UBE2Q2: variants seen among roughly 807,000 people sequenced by gnomAD.
The protein encoded by UBE2Q2 is ubiquitin conjugating enzyme E2 Q2.
In UBE2Q2, 54 loss-of-function variants were observed where a neutral mutation model predicts 59.9. That is an observed-to-expected ratio of 0.90 (90% CI 0.72 to 1.13). The LOEUF (loss-of-function observed/expected upper bound fraction) is 1.13, where lower values mean the gene tolerates loss of function less well. Ranked by LOEUF, UBE2Q2 falls within the 50% of genes most tolerant of loss-of-function variation. The pLI, the probability that UBE2Q2 is intolerant of heterozygous loss-of-function variation, is 0.00. For synonymous variants in UBE2Q2, 165 were observed against 155.2 expected, an observed-to-expected ratio of 1.06 and a Z score of -0.47; for missense variants, 433 against 441.9, an observed-to-expected ratio of 0.98 and a Z score of 0.18.
intron 1 of UBE2Q2, chr15:75,844,575 C>T: frequency 1.4e-6 from 2 of 1,399,098 alleles, no homozygotes; most frequent in South Asian, 1.4e-5. Context: ...CAGGGCTGCT[C>T]CCCGGAAAGA....
intron 9 of UBE2Q2, among the ~76,000 whole-genome samples, chr15:75,885,489 A>C (rs1299037111): frequency 6.6e-6 from 1 of 152,194 alleles, no homozygotes; most frequent in Non-Finnish European, 1.5e-5. Flanking sequence ...AATATCTTTT[A>C]CCAAAGGACT....
At chr15:75,899,279 A>T (rs1309173890) in intron 12 of UBE2Q2, 148 bp from the exon 13 acceptor site, 6 of 226,572 alleles carry the variant, frequency 2.6e-5, no homozygotes, top group East Asian at 1.4e-4. Context: ...TGTCTCAAAA[A>T]ATATATATAT....
At chr15:75,896,936 T>A in intron 11 of UBE2Q2, 59 bp from the exon 12 acceptor site, 1 of 1,135,148 alleles carries the variant, frequency 8.8e-7, no homozygotes, top group Non-Finnish European at 1.3e-6. Flanking sequence ...TTCATAAATT[T>A]ATTGTAATAA....
chr15:75,885,358 C>T (rs1216492895), intron 9 of UBE2Q2, among the ~76,000 whole-genome samples: 2 of 151,962 alleles, frequency 1.3e-5, no homozygotes, highest in Non-Finnish European at 2.9e-5. Flanking sequence ...CCTCGTGATC[C>T]GCCTGCCTCA....
rs950947279 is a variant in UBE2Q2 at position 75,869,970 on chromosome 15, G to C, written c.447+960G>C. ...GATTTAAAAAAAAATTTTTTTTTCTGTTTTGGGTCTTATAATTATGCTTTT... is the reference window on the plus strand; with the variant it reads ...GATTTAAAAAAAAATTTTTTTTTCTCTTTTGGGTCTTATAATTATGCTTTT... On this transcript the variant is annotated intron_variant, in intron 4 of 12. Transcript: ENST00000267938. 3.9e-5 allele frequency among the ~76,000 whole-genome samples: 6 copies of C among 151,960 alleles called. No homozygotes were observed. The East Asian group carries it at 7.7e-4, about 20-fold the overall frequency.
At chr15:75,878,497 G>C (rs1198020235) in intron 7 of UBE2Q2, 1 of 151,972 alleles carries the variant, frequency 6.6e-6, no homozygotes, top group African/African-American at 2.4e-5. Context: ...GTGGTGGGAG[G>C]CTGAGGCAGG....
At chr15:75,852,728 T>TAC in intron 1 of UBE2Q2, among the ~76,000 whole-genome samples, 1 of 152,212 alleles carries the variant, frequency 6.6e-6, no homozygotes, top group East Asian at 1.9e-4. Flanking sequence ...GAAAATGCAG[T>TAC]ACTCAATAAG....
chr15:75,870,774 A>T (rs2141608252), intron 4 of UBE2Q2, among the ~76,000 whole-genome samples: 1 of 152,324 alleles, frequency 6.6e-6, no homozygotes, highest in South Asian at 2.1e-4. Context: ...AAGTCATGAA[A>T]AAACAAGATT....
intron 5 of UBE2Q2, 95 bp downstream of exon 5, chr15:75,873,663 C>G (rs1897917133): frequency 7.3e-7 from 1 of 1,361,294 alleles, no homozygotes; most frequent in African/African-American, 1.5e-5. Flanking sequence ...CTCAGCTGCC[C>G]TCTTCCTCCA....
chr15:75,899,427 G>A lies in UBE2Q2; in HGVS notation c.1097G>A (p.Gly366Asp), dbSNP rs776986667. ...NSIVQIHEKNGWYTPPKEDG is the reference protein window; with the variant it reads ...NSIVQIHEKNDWYTPPKEDG ...CTTTTTTTTTTTCATTCTATTTCAGGCTGGTACACCCCTCCAAAGGAAGAT... is the reference window on the plus strand; with the variant it reads ...CTTTTTTTTTTTCATTCTATTTCAGACTGGTACACCCCTCCAAAGGAAGAT... The change falls in exon 13 of 13, where the codon GGC becomes GAC. Residue 366 changes from glycine to aspartate, a missense_variant and splice_region_variant. Transcript: ENST00000267938. The A allele has an allele frequency of 1.9e-6, 3 of 1,582,382 alleles. No homozygotes were observed. In the South Asian group the frequency reaches 3.5e-5, roughly 19 times the overall value.
At chr15:75,883,504 G>A (rs995301327) in intron 9 of UBE2Q2, 80 bp downstream of exon 9, 34 of 1,031,702 alleles carry the variant, frequency 3.3e-5, no homozygotes, top group Admixed American at 8.0e-5. Flanking sequence ...ATCTCACTAT[G>A]TTGCCCTGGC....
In UBE2Q2 at chr15:75,898,728, A is replaced by G. The variant is rs952593188; in HGVS notation, c.1097-699A>G. Among the ~76,000 whole-genome samples the G allele has an allele frequency of 4.6e-5, 7 of 152,292 alleles. No individual in the cohort carries two copies. In the South Asian group the frequency reaches 1.4e-3, roughly 32 times the overall value. The stretch of plus-strand genomic sequence containing the variant: ...TAACAGTCCAAGTTCCTTGTATTCT[A>G]AATCGCCAGGATTTTGTTTGGGGAA... On this transcript the variant is annotated intron_variant, in intron 12 of 12. Transcript: ENST00000267938.
intron 3 of UBE2Q2, among the ~76,000 whole-genome samples, chr15:75,860,802 A>G (rs1029568642): frequency 5.3e-5 from 8 of 152,112 alleles, no homozygotes; most frequent in Admixed American, 5.2e-4. Flanking sequence ...GGTTTTTCTC[A>G]TCTGCTCTCC....
In UBE2Q2 at chr15:75,843,558, CCA is replaced by C; in HGVS notation, c.-108_-107del. On this transcript the variant is annotated 5_prime_UTR_variant, in exon 1 of 13. Transcript: ENST00000267938. The stretch of plus-strand genomic sequence containing the variant: ...CGAGGCGGAGCCGCGAGAGCGCGGC[CCA>C]GGCCGGCCCCGCGGGGCGGTCGCGG... The C allele has an allele frequency of 1.2e-6, 1 of 861,870 alleles. No individual in the cohort carries two copies. Among genetic ancestry groups the C allele is most frequent in the Non-Finnish European group, 1.6e-6 (1 of 630,318 alleles). The allele number at this position is 861,870 out of a possible 1,614,324, so 53.4% of individuals were successfully genotyped here. A position where few individuals can be genotyped will look rare whatever the true frequency, so the allele number is the denominator to read the frequency against.
chr15:75,889,449 A>G lies in UBE2Q2; in HGVS notation c.885-986A>G, dbSNP rs550650179. 7.2e-5 allele frequency among the ~76,000 whole-genome samples: 11 copies of G among 152,312 alleles called. 1 individual carries two copies. In the South Asian group the frequency reaches 2.3e-3, roughly 32 times the overall value. ...AAAAGTTTTTAGATGCCTTGTCTGC[A>G]AAGTAATTTGGTTAGTTGACACAAA... On this transcript the variant is annotated intron_variant, in intron 9 of 12. Transcript: ENST00000267938.
intron 12 of UBE2Q2, among the ~76,000 whole-genome samples, chr15:75,898,286 G>A (rs1052750295): frequency 1.3e-5 from 2 of 152,082 alleles, no homozygotes; most frequent in African/African-American, 4.8e-5. Flanking sequence ...GAGTGTGTGG[G>A]TATGTGTAAG....
At chr15:75,887,904 T>G (rs1898877417) in intron 9 of UBE2Q2, among the ~76,000 whole-genome samples, 1 of 152,168 alleles carries the variant, frequency 6.6e-6, no homozygotes. Flanking sequence ...GGAGGAGGAA[T>G]TATTTGCTGA....
At chr15:75,844,013 C>T (rs1896172837) in intron 1 of UBE2Q2, 167 bp downstream of exon 1, 2 of 1,409,074 alleles carry the variant, frequency 1.4e-6, no homozygotes, top group Non-Finnish European at 1.8e-6. Context: ...GCTGGGACTG[C>T]GCGAGGCTTG....
At chr15:75,859,362 A>G (rs566775665) in intron 2 of UBE2Q2, among the ~76,000 whole-genome samples, 3 of 152,266 alleles carry the variant, frequency 2.0e-5, no homozygotes, top group African/African-American at 4.8e-5. Flanking sequence ...AGGGAATTAG[A>G]TAGGATATCC....
Sources: allele counts gnomAD v4.1 joint callset (sites outside exome capture counted in the v4.1 genomes callset), GRCh38; gene constraint gnomAD v4.1.1; transcripts MANE v1.5; gene names NCBI Gene and HGNC (gene_info 2026-07-23, HGNC 2026-07-21).